Variants in TCF4 observed in about 807,000 individuals in gnomAD.
TCF4 encodes the protein SL3-3 enhancer factor 2.
TCF4 carries 3 observed loss-of-function variants against 82.1 expected under a neutral mutation model. That is an observed-to-expected ratio of 0.04 (90% CI 0.02 to 0.09). The LOEUF (loss-of-function observed/expected upper bound fraction) is 0.09, where lower values mean the gene tolerates loss of function less well. Ranked by LOEUF, TCF4 falls within the 10% of genes least tolerant of loss-of-function variation. The pLI is 1.00. For synonymous variants in TCF4, 276 were observed against 309.6 expected, an observed-to-expected ratio of 0.89 and a Z score of 1.14; for missense variants, 518 against 852.7, an observed-to-expected ratio of 0.61 and a Z score of 4.89.
intron 3 of TCF4, among the ~76,000 whole-genome samples, chr18:55,541,845 A>G (rs2146965544): frequency 6.6e-6 from 1 of 152,060 alleles, no homozygotes; most frequent in Middle Eastern, 3.4e-3. Flanking sequence ...GGAGAATACG[A>G]CGTTATTTAA....
chr18:55,242,267 A>G (rs1303463538), intron 15 of TCF4, among the ~76,000 whole-genome samples: 2 of 152,154 alleles, frequency 1.3e-5, no homozygotes, highest in Non-Finnish European at 2.9e-5. Flanking sequence ...TGCAGGGCAT[A>G]AACTTCAATA....
At chr18:55,592,106 AAGG>A (rs2097686156), upstream of TCF4, among the ~76,000 whole-genome samples, 1 of 152,202 alleles carries the variant, frequency 6.6e-6, no homozygotes, top group Non-Finnish European at 1.5e-5. Context: ...CACCTAAGAA[AAGG>A]AGAACCAAGA....
intron 8 of TCF4, among the ~76,000 whole-genome samples, chr18:55,282,992 T>C (rs1022858650): frequency 1.3e-5 from 2 of 152,140 alleles, no homozygotes; most frequent in African/African-American, 4.8e-5. Flanking sequence ...AACCTATTTG[T>C]TGAGTAAAAA....
chr18:55,434,862 TATA>T (rs992463572), intron 5 of TCF4, among the ~76,000 whole-genome samples: 1 of 151,964 alleles, frequency 6.6e-6, no homozygotes, highest in Non-Finnish European at 1.5e-5. Context: ...CATATAGGCT[TATA>T]ATGTGTAATA....
At chr18:55,504,727 A>G (rs1465952523) in intron 3 of TCF4, among the ~76,000 whole-genome samples, 2 of 152,224 alleles carry the variant, frequency 1.3e-5, no homozygotes, top group African/African-American at 4.8e-5. Flanking sequence ...TCTGCCCCAT[A>G]CACAGTGTGC....
intron 6 of TCF4, among the ~76,000 whole-genome samples, chr18:55,369,093 G>A (rs1047987623): frequency 4.6e-5 from 7 of 152,288 alleles, no homozygotes; most frequent in South Asian, 2.1e-4. Flanking sequence ...AAATGGTGAC[G>A]TCTGTTGAAA....
intron 8 of TCF4, among the ~76,000 whole-genome samples, chr18:55,314,273 T>C (rs1315590611): frequency 6.6e-6 from 1 of 152,120 alleles, no homozygotes; most frequent in East Asian, 1.9e-4. Context: ...GAGCCTCCAC[T>C]TCTGTAATAA....
chr18:55,405,803 G>A (rs1252360483), intron 5 of TCF4, among the ~76,000 whole-genome samples: 1 of 152,128 alleles, frequency 6.6e-6, no homozygotes, highest in East Asian at 1.9e-4. Flanking sequence ...ATGAATTCAC[G>A]CTGCAGAGTC....
At chr18:55,405,161 T>A (rs2094022600) in intron 5 of TCF4, among the ~76,000 whole-genome samples, 1 of 152,256 alleles carries the variant, frequency 6.6e-6, no homozygotes, top group Non-Finnish European at 1.5e-5. Flanking sequence ...AAATTTAAGC[T>A]ACTTATACCC....
At chr18:55,280,417 A>C (rs949406532) in intron 8 of TCF4, among the ~76,000 whole-genome samples, 3 of 152,212 alleles carry the variant, frequency 2.0e-5, no homozygotes, top group African/African-American at 7.2e-5. Context: ...TCTTTATACA[A>C]ATAGCCTGTG....
At chr18:55,297,147 G>GTTT (rs35268463) in intron 8 of TCF4, among the ~76,000 whole-genome samples, 43 of 64,260 alleles carry the variant, frequency 6.7e-4, no homozygotes, top group African/African-American at 1.0e-3. Context: ...TTTCTTTGAG[G>GTTT]TTTTTTTTTT....
At chr18:55,357,494 A>G (rs1005882905) in intron 6 of TCF4, among the ~76,000 whole-genome samples, 1 of 152,220 alleles carries the variant, frequency 6.6e-6, no homozygotes, top group Non-Finnish European at 1.5e-5. Context: ...GTGCCAAAGT[A>G]AAAATAGAAC....
chr18:55,251,528 AAGTTATCAAGCCATTT>A (rs1302917800), intron 15 of TCF4, among the ~76,000 whole-genome samples: 1 of 152,160 alleles, frequency 6.6e-6, no homozygotes, highest in Non-Finnish European at 1.5e-5. Flanking sequence ...ATCACCTTCC[AAGTTATCAAGCCATTT>A]TGTTTTGATT....
chr18:55,317,801 C>T (rs947885839), intron 8 of TCF4, among the ~76,000 whole-genome samples: 2 of 152,016 alleles, frequency 1.3e-5, no homozygotes, highest in Non-Finnish European at 2.9e-5. Flanking sequence ...AAGCAGGACT[C>T]GTAACATTAT....
At chr18:55,554,776 C>A (rs1339524601) in intron 3 of TCF4, among the ~76,000 whole-genome samples, 1 of 152,290 alleles carries the variant, frequency 6.6e-6, no homozygotes, top group East Asian at 1.9e-4. Flanking sequence ...CAGAACAGAT[C>A]TTCATATGCA....
At position 55,588,123 on chromosome 18, in the gene TCF4, TGCTCCTGCGCCC is replaced by T; in HGVS notation, c.-118_-107del. ...AACCGCCGCCGCCACCGCCGCCGCC[TGCTCCTGCGCCC>T]GCTCCCGCGCCTGCTGCCTCCCCGC... On this transcript the variant is annotated 5_prime_UTR_variant, in exon 1 of 20. Coordinates refer to ENST00000354452, the MANE Select transcript of TCF4 (RefSeq NM_001083962.2). 1 of 1,046,604 alleles carries T rather than the reference TGCTCCTGCGCCC, an allele frequency of 9.6e-7. No homozygotes were observed. The highest frequency in any genetic ancestry group is 1.1e-6 in the Non-Finnish European group (1 of 875,344). The allele number at this position is 1,046,604 out of a possible 1,614,324, so 64.8% of individuals were successfully genotyped here.
At chr18:55,237,291 A>G (rs1238079438) in intron 15 of TCF4, among the ~76,000 whole-genome samples, 2 of 152,298 alleles carry the variant, frequency 1.3e-5, no homozygotes, top group Non-Finnish European at 2.9e-5. Flanking sequence ...TTTCCCCTAT[A>G]CAATGACTGT....
At position 55,554,283 on chromosome 18, in the gene TCF4, G is replaced by A. The variant is rs2097285049; in HGVS notation, c.145+30997C>T. Reference sequence around the variant, plus strand: ...TTAATTTTAGGGTGGAATAGGAGGAGGGGAGAAAATAGAGCATCTATTGAG... The same window carrying A: ...TTAATTTTAGGGTGGAATAGGAGGAAGGGAGAAAATAGAGCATCTATTGAG... On this transcript the variant is annotated intron_variant, in intron 3 of 19. Transcript: ENST00000354452. Among the ~76,000 whole-genome samples the A allele has an allele frequency of 2.6e-5, 4 of 152,040 alleles. 1 individual carries two copies. The highest frequency in any genetic ancestry group is 2.6e-4 in the Admixed American group (4 of 15,256).
chr18:55,561,784 T>C (rs1407741935), intron 3 of TCF4, among the ~76,000 whole-genome samples: 1 of 152,220 alleles, frequency 6.6e-6, no homozygotes, highest in Non-Finnish European at 1.5e-5. Flanking sequence ...AAATCCCTCA[T>C]ACAAGAAAAC....
Sources: allele counts gnomAD v4.1 joint callset (sites outside exome capture counted in the v4.1 genomes callset), GRCh38; gene constraint gnomAD v4.1.1; transcripts MANE v1.5; gene names NCBI Gene and HGNC (gene_info 2026-07-23, HGNC 2026-07-21).